The following NRAP variants were observed in gnomAD, a reference collection of about 807,000 sequenced individuals.
The protein encoded by NRAP is nebulin-related-anchoring protein.
A neutral mutation model predicts 225.9 loss-of-function variants in NRAP; 189 were observed. The ratio of observed to expected loss-of-function variants is 0.84; its 90% CI spans 0.74 to 0.94. The LOEUF is 0.94. Ranked by LOEUF, NRAP falls within the 40% of genes least tolerant of loss-of-function variation. The probability of loss-of-function intolerance (pLI) is 0.00; values close to 1 mark genes in which losing one functional copy is unlikely to be tolerated. For missense variants in NRAP, 2,176 were observed against 2,168.7 expected, an observed-to-expected ratio of 1.00 and a Z score of -0.07; for synonymous variants, 769 against 790.7, an observed-to-expected ratio of 0.97 and a Z score of 0.46.
At chr10:113,617,628 G>T in intron 25 of NRAP, 75 bp from the exon 26 acceptor site, 1 of 889,596 alleles carries the variant, frequency 1.1e-6, no homozygotes, top group Non-Finnish European at 1.9e-6. Context: ...AAAATCATAG[G>T]TTGCTTGAGA....
At chr10:113,629,093 AAG>A in intron 19 of NRAP, 72 bp from the exon 20 acceptor site, 1 of 1,081,682 alleles carries the variant, frequency 9.2e-7, no homozygotes. Context: ...TGGGAGAGTT[AAG>A]AAGATCTTGA....
chr10:113,615,094 C>A, intron 27 of NRAP, 148 bp from the exon 28 acceptor site: 1 of 637,714 alleles, frequency 1.6e-6, no homozygotes, highest in East Asian at 2.7e-5. Flanking sequence ...CTTAGCTAAA[C>A]CCACGTGAGT....
chr10:113,589,600 A>G (rs1845822800), intron 41 of NRAP, 66 bp downstream of exon 41: 1 of 1,555,018 alleles, frequency 6.4e-7, no homozygotes, highest in African/African-American at 1.4e-5. Context: ...CTTTGAAAAG[A>G]AACAATGAGT....
At chr10:113,639,821 C>T (rs565236133) in intron 14 of NRAP, among the ~76,000 whole-genome samples, 1 of 152,216 alleles carries the variant, frequency 6.6e-6, no homozygotes, top group Admixed American at 6.5e-5. Context: ...CACTTCCTCT[C>T]AACTTGTATG....
In NRAP at chr10:113,612,310, G is replaced by C; in HGVS notation, c.3422C>G (p.Pro1141Arg). The C allele has an allele frequency of 6.2e-7, 1 of 1,614,202 alleles. No individual in the cohort carries two copies. The highest frequency in any genetic ancestry group is 8.5e-7 in the Non-Finnish European group (1 of 1,180,020). ...TGCCAAGGAAGTGTACTGGGGCAGT[G>C]GATGTTTGTAGTCCTGATTGCTGGC... is the stretch of plus-strand genomic sequence containing the variant. ...TLASNQDYKHPLPQYTSLAED... is the reference protein window; with the variant it reads ...TLASNQDYKHRLPQYTSLAED... Residue 1141 changes from proline (P) to arginine (R), a missense_variant, in exon 30 of 42, where the codon CCA (proline) becomes CGA (arginine). Pro to Arg is a moderately radical substitution (Grantham distance 103). Around this residue, in one of 3 missense-constraint regions of NRAP, gnomAD observed 1,708 missense variants for 1,695.5 expected, o/e 1.01. Transcript: ENST00000359988.
At chr10:113,638,331 G>GT (rs201640349) in intron 14 of NRAP, among the ~76,000 whole-genome samples, 184 of 151,082 alleles carry the variant, frequency 1.2e-3, no homozygotes, top group African/African-American at 4.0e-3. Context: ...CATTTTGAAG[G>GT]TTTTTTTTTC....
intron 41 of NRAP, chr10:113,589,441 A>C (rs1179453107): frequency 3.3e-6 from 2 of 610,688 alleles, no homozygotes; most frequent in Non-Finnish European, 5.7e-6. Flanking sequence ...CCTCTGCAGA[A>C]CTAATGGCTG....
At chr10:113,614,571 CTCTT>C in intron 28 of NRAP, among the ~76,000 whole-genome samples, 2 of 152,342 alleles carry the variant, frequency 1.3e-5, no homozygotes, top group Middle Eastern at 6.8e-3. Context: ...CACATGGACT[CTCTT>C]TATGAACACC....
At chr10:113,593,010 C>T (rs760749048) in intron 38 of NRAP, among the ~76,000 whole-genome samples, 28 of 152,190 alleles carry the variant, frequency 1.8e-4, no homozygotes, top group Middle Eastern at 3.4e-3. Context: ...CCCACATCAC[C>T]GATAGAGGCA....
rs780944722 is a variant in NRAP, at chr10:113,631,586, T to C, written c.1765A>G (p.Lys589Glu). ...GTTCCCATGGCTTTGCCTTTTGTCT[T>C]TTCATATTCTTCTTTATATTTAATC... ...SNIKYKEEYE[K>E]TKGKAMGTAD... The change falls in exon 18 of 42, where the codon AAG becomes GAG. Residue 589 changes from lysine to glutamate, a missense_variant. By Grantham distance (56) the Lys-to-Glu change is moderately conservative. Around this residue, in one of 3 missense-constraint regions of NRAP, gnomAD observed 1,708 missense variants for 1,695.5 expected, o/e 1.01. Transcript: ENST00000359988. 9 of 1,609,870 alleles carry C rather than the reference T, an allele frequency of 5.6e-6. No homozygotes were observed. The highest frequency in any genetic ancestry group is 7.6e-6 in the Non-Finnish European group (9 of 1,176,542).
intron 35 of NRAP, among the ~76,000 whole-genome samples, chr10:113,600,286 T>G (rs1359854163): frequency 6.6e-6 from 1 of 151,808 alleles, no homozygotes; most frequent in East Asian, 1.9e-4. Flanking sequence ...TCCTCCCACC[T>G]CAGCCTCTCA....
chr10:113,628,654 C>T (rs985211546), intron 20 of NRAP, among the ~76,000 whole-genome samples: 3 of 152,206 alleles, frequency 2.0e-5, no homozygotes, highest in Non-Finnish European at 2.9e-5. Context: ...CTGTATATTA[C>T]ACCTTTCTAA....
intron 6 of NRAP, 79 bp downstream of exon 6, chr10:113,652,856 G>GT (rs1335477591): frequency 1.1e-6 from 1 of 947,280 alleles, no homozygotes; most frequent in Non-Finnish European, 1.7e-6. Context: ...CTCTCTTACT[G>GT]TTTTTTCCCT....
At chr10:113,602,267 A>G (rs1482043448) in intron 35 of NRAP, among the ~76,000 whole-genome samples, 3 of 152,140 alleles carry the variant, frequency 2.0e-5, no homozygotes, top group Non-Finnish European at 4.4e-5. Flanking sequence ...CTTCCCACAC[A>G]CATCCTCTGA....
intron 25 of NRAP, among the ~76,000 whole-genome samples, chr10:113,617,957 C>A (rs56147229): frequency 5.9e-5 from 9 of 151,938 alleles, no homozygotes; most frequent in Non-Finnish European, 4.4e-5. Context: ...ATTTTCCTTC[C>A]ACAAAAAAAC....
Position 113,592,262 on chromosome 10 carries a change from T to C in NRAP, c.4576A>G (p.Ser1526Gly). 1 of 1,612,998 alleles carries C rather than the reference T, an allele frequency of 6.2e-7. No individual in the cohort carries two copies. Among genetic ancestry groups the C allele is most frequent in the Non-Finnish European group, 8.5e-7 (1 of 1,179,424 alleles). ...RNSWEQTRAGSYDFRLDAIPF... is the reference protein window; with the variant it reads ...RNSWEQTRAGGYDFRLDAIPF... ...ATGGCATCCAGCCTGAAGTCATAAC[T>C]GCCAGCCCGGGTCTGCTCCCAGGAG... Residue 1526 changes from serine to glycine, a missense_variant, in exon 39 of 42, where the codon AGT (serine) becomes GGT (glycine). Ser to Gly is a moderately conservative substitution (Grantham distance 56). Coordinates refer to ENST00000359988, the MANE Select transcript of NRAP (RefSeq NM_198060.4).
At chr10:113,635,199 A>G (rs1051961891) in intron 14 of NRAP, among the ~76,000 whole-genome samples, 6 of 152,182 alleles carry the variant, frequency 3.9e-5, no homozygotes, top group African/African-American at 1.4e-4. Context: ...GCATCCAATC[A>G]TCTTATTTTT....
intron 9 of NRAP, among the ~76,000 whole-genome samples, chr10:113,649,557 T>C (rs1269029598): frequency 6.6e-6 from 1 of 152,142 alleles, no homozygotes; most frequent in African/African-American, 2.4e-5. Flanking sequence ...AGAAGTGAAA[T>C]TGGAAAAAGG....
chr10:113,605,379 T>C (rs1846892551), intron 34 of NRAP, among the ~76,000 whole-genome samples: 1 of 152,206 alleles, frequency 6.6e-6, no homozygotes. Flanking sequence ...CTAACACCAA[T>C]GCGTGAAACT....
Sources: allele counts gnomAD v4.1 joint callset (sites outside exome capture counted in the v4.1 genomes callset), GRCh38; gene constraint gnomAD v4.1.1; regional missense constraint gnomAD v4.1.1; transcripts MANE v1.5; gene names NCBI Gene and HGNC (gene_info 2026-07-23, HGNC 2026-07-21).